SLAMF1: variants seen among roughly 807,000 people sequenced by gnomAD.
SLAMF1 encodes signaling lymphocytic activation molecule.
Under a neutral mutation model 35.1 loss-of-function variants are expected in SLAMF1, and 18 were observed. The ratio of observed to expected loss-of-function variants is 0.51; its 90% CI spans 0.35 to 0.76. The LOEUF (loss-of-function observed/expected upper bound fraction) is 0.76, where lower values mean the gene tolerates loss of function less well. SLAMF1 is among the 30% of genes least tolerant of loss of function. The probability of loss-of-function intolerance (pLI) is 0.01; values close to 1 mark genes in which losing one functional copy is unlikely to be tolerated. For missense variants in SLAMF1, 392 were observed against 413.0 expected, an observed-to-expected ratio of 0.95 and a Z score of 0.44; for synonymous variants, 168 against 157.2, an observed-to-expected ratio of 1.07 and a Z score of -0.51.
chr1:160,629,259 T>C (rs959261300), intron 3 of SLAMF1, among the ~76,000 whole-genome samples: 1 of 152,142 alleles, frequency 6.6e-6, no homozygotes, highest in East Asian at 1.9e-4. Flanking sequence ...GAGGGCGTTT[T>C]TTTTCTTGTC....
rs11389716 is a variant in SLAMF1, at chr1:160,608,751, C to CA, written c.*1996_*1997insT. On this transcript the variant is annotated 3_prime_UTR_variant, in exon 7 of 7. Coordinates refer to ENST00000302035, the MANE Select transcript of SLAMF1 (RefSeq NM_003037.5). ...GTAAAGGAATGGGTGCTCATAAGCC[C>CA]GGGTTTACAAATCTTCATTAGTAGC... 0.9 allele frequency: 137,384 copies of CA among 152,210 alleles called. 62,199 individuals are homozygous for CA. Among genetic ancestry groups the CA allele is most frequent in the Non-Finnish European group, 0.94 (63,635 of 68,022 alleles). 9.4% of individuals were successfully genotyped at this position (152,210 alleles called of 1,614,324 possible).
In SLAMF1 at chr1:160,610,414, A is replaced by G. The variant is rs1658916926; in HGVS notation, c.*334T>C. 2.1e-6 allele frequency: 1 copy of G among 477,116 alleles called. No individual in the cohort carries two copies. The highest frequency in any genetic ancestry group is 2.0e-5 in the African/African-American group (1 of 51,102). The allele number at this position is 477,116 out of a possible 1,614,324, so 29.6% of individuals were successfully genotyped here. On this transcript the variant is annotated 3_prime_UTR_variant, in exon 7 of 7. Transcript: ENST00000302035. ...TGTCCTGGCTTTCAGTCTGATTTTT[A>G]TTATCCAGTTCCAGCCAAGAGCAAG... is the stretch of plus-strand genomic sequence containing the variant.
chr1:160,611,752 C>G (rs1267527379), intron 6 of SLAMF1, among the ~76,000 whole-genome samples: 2 of 151,890 alleles, frequency 1.3e-5, no homozygotes, highest in Admixed American at 6.6e-5. Flanking sequence ...CTCTTCTAGG[C>G]TTAACACCTA....
intron 1 of SLAMF1, among the ~76,000 whole-genome samples, chr1:160,646,007 T>G (rs1370371691): frequency 6.6e-6 from 1 of 152,080 alleles, no homozygotes; most frequent in Non-Finnish European, 1.5e-5. Flanking sequence ...CAGAAGGAGA[T>G]TCTCACCCCA....
At chr1:160,633,313 A>G (rs1299590900) in intron 3 of SLAMF1, among the ~76,000 whole-genome samples, 1 of 152,164 alleles carries the variant, frequency 6.6e-6, no homozygotes, top group Non-Finnish European at 1.5e-5. Context: ...GACTCTGGCT[A>G]TGAAATGTCT....
At chr1:160,635,205 G>C (rs1660374443) in intron 2 of SLAMF1, among the ~76,000 whole-genome samples, 1 of 152,240 alleles carries the variant, frequency 6.6e-6, no homozygotes, top group African/African-American at 2.4e-5. Context: ...TCTCCTATCA[G>C]TGGAGTTTGC....
intron 1 of SLAMF1, 120 bp from the exon 2 acceptor site, chr1:160,637,649 T>C: frequency 1.5e-6 from 1 of 683,338 alleles, no homozygotes; most frequent in Non-Finnish European, 2.4e-6. Context: ...TCCCTGGGGT[T>C]GCCAAGTCCT....
intron 5 of SLAMF1, among the ~76,000 whole-genome samples, chr1:160,617,112 C>T (rs576534100): frequency 5.6e-4 from 85 of 151,132 alleles, no homozygotes; most frequent in African/African-American, 1.9e-3. Context: ...GACAAGATCA[C>T]GCCACTGCAC....
chr1:160,629,107 G>A (rs1386006458), intron 3 of SLAMF1, among the ~76,000 whole-genome samples: 1 of 152,130 alleles, frequency 6.6e-6, no homozygotes, highest in Admixed American at 6.5e-5. Context: ...TCTTAGAGGC[G>A]GCCGAGCAGG....
intron 5 of SLAMF1, among the ~76,000 whole-genome samples, chr1:160,614,768 C>T (rs1266642680): frequency 6.6e-6 from 1 of 152,126 alleles, no homozygotes; most frequent in Non-Finnish European, 1.5e-5. Flanking sequence ...CCTATTAAGA[C>T]TCTGTGTGTG....
At chr1:160,632,822 T>G (rs933359363) in intron 3 of SLAMF1, among the ~76,000 whole-genome samples, 1 of 152,210 alleles carries the variant, frequency 6.6e-6, no homozygotes, top group South Asian at 2.1e-4. Context: ...ATAAGGCATT[T>G]TAAGTGCTTT....
At chr1:160,636,899 G>C (rs576474983) in intron 2 of SLAMF1, 1 of 380,616 alleles carries the variant, frequency 2.6e-6, no homozygotes, top group Non-Finnish European at 4.7e-6. Context: ...TGCAAACCAA[G>C]ATCCTTGGGT....
chr1:160,635,646 A>T (rs1187513672), intron 2 of SLAMF1, among the ~76,000 whole-genome samples: 2 of 145,660 alleles, frequency 1.4e-5, no homozygotes, highest in Non-Finnish European at 3.0e-5. Context: ...ATCTCAGCTC[A>T]CTGCAAGCTC....
rs147675708 is a variant in SLAMF1, at chr1:160,618,893, A to G, written c.864+883T>C. On this transcript the variant is annotated intron_variant, in intron 5 of 6. Coordinates refer to ENST00000302035, the MANE Select transcript of SLAMF1 (RefSeq NM_003037.5). ...ATTCTCATCTATTTAAATGGAGTTT[A>G]GTTGGGGGAAGGATGGAGCTGGGTT... Among the ~76,000 whole-genome samples, 761 of 152,246 alleles carry G rather than the reference A, an allele frequency of 5.0e-3. 7 individuals carry two copies. The highest frequency in any genetic ancestry group is 0.017 in the African/African-American group (716 of 41,532).
intron 5 of SLAMF1, among the ~76,000 whole-genome samples, chr1:160,614,887 G>A (rs1659207213): frequency 6.6e-6 from 1 of 152,032 alleles, no homozygotes; most frequent in African/African-American, 2.4e-5. Context: ...TAGGACCACT[G>A]ATTTGTACAT....
intron 3 of SLAMF1, among the ~76,000 whole-genome samples, chr1:160,625,733 A>G (rs904649856): frequency 6.6e-6 from 1 of 152,166 alleles, no homozygotes; most frequent in African/African-American, 2.4e-5. Context: ...GAATTTGTAT[A>G]AAGCATGACA....
chr1:160,614,380 C>T (rs1368531426), intron 5 of SLAMF1, among the ~76,000 whole-genome samples: 3 of 143,736 alleles, frequency 2.1e-5, no homozygotes, highest in African/African-American at 7.4e-5. Context: ...TCGAGACCAT[C>T]CTGGCCAACA....
chr1:160,645,702 G>A (rs922107683), intron 1 of SLAMF1, among the ~76,000 whole-genome samples: 1 of 152,092 alleles, frequency 6.6e-6, no homozygotes, highest in Non-Finnish European at 1.5e-5. Flanking sequence ...TCTGAGCCCC[G>A]AGCTCAGTTC....
In SLAMF1 at chr1:160,636,493, C is replaced by T. The variant is rs79026315; in HGVS notation, c.415+698G>A. Among the ~76,000 whole-genome samples, 1,418 of 152,310 alleles carry T rather than the reference C, an allele frequency of 9.3e-3. 14 individuals carry two copies. Among genetic ancestry groups the T allele is most frequent in the Middle Eastern group, 0.017 (5 of 294 alleles). On this transcript the variant is annotated intron_variant, in intron 2 of 6. Coordinates refer to ENST00000302035, the MANE Select transcript of SLAMF1 (RefSeq NM_003037.5). ...CAGATGAGTCTCTGGGCCTAAGAGA[C>T]ACAATCCCTGGGTGCACTCAAGAGG...
Sources: allele counts gnomAD v4.1 joint callset (sites outside exome capture counted in the v4.1 genomes callset), GRCh38; gene constraint gnomAD v4.1.1; transcripts MANE v1.5; gene names NCBI Gene and HGNC (gene_info 2026-07-23, HGNC 2026-07-21).